IFT56: variants seen among roughly 807,000 people sequenced by gnomAD.
IFT56 encodes the protein intraflagellar transport 56.
chr7:139,143,803 C>G, the IFT56 span, among the ~76,000 whole-genome samples: 3 of 151,850 alleles, frequency 2.0e-5, no homozygotes, highest in African/African-American at 7.3e-5. Flanking sequence ...ATTTTTAAAA[C>G]TATATATTTA....
chr7:139,163,314 C>A, the IFT56 span, among the ~76,000 whole-genome samples: 1 of 150,180 alleles, frequency 6.7e-6, no homozygotes, highest in African/African-American at 2.5e-5. Context: ...TGCACTCCAG[C>A]CTGGGTGACA....
At chr7:139,185,631 A>C in the IFT56 span, among the ~76,000 whole-genome samples, 1 of 152,044 alleles carries the variant, frequency 6.6e-6, no homozygotes, top group Non-Finnish European at 1.5e-5. Context: ...CATAAAAGTC[A>C]GAAGAGTAGT....
the IFT56 span, among the ~76,000 whole-genome samples, chr7:139,181,361 A>C: frequency 1.7e-4 from 26 of 152,388 alleles, no homozygotes; most frequent in African/African-American, 6.0e-4. Flanking sequence ...AACTGAACTC[A>C]GAGATAGGCA....
At chr7:139,138,913 C>A in the IFT56 span, among the ~76,000 whole-genome samples, 2 of 151,514 alleles carry the variant, frequency 1.3e-5, no homozygotes, top group Non-Finnish European at 2.9e-5. Context: ...CGGGTTCAAG[C>A]AATTCCCCTG....
chr7:139,174,174 CT>C, the IFT56 span: 1 of 592,546 alleles, frequency 1.7e-6, no homozygotes, highest in Non-Finnish European at 3.3e-6. Flanking sequence ...CAGTTGCCCA[CT>C]TATCCCAGCT....
the IFT56 span, chr7:139,137,778 A>AT: frequency 5.4e-4 from 703 of 1,292,688 alleles, no homozygotes; most frequent in Middle Eastern, 7.5e-4. Context: ...CCAACGTAGC[A>AT]TTTTTTTTTA....
At chr7:139,139,632 G>A in the IFT56 span, among the ~76,000 whole-genome samples, 1 of 152,076 alleles carries the variant, frequency 6.6e-6, no homozygotes, top group Non-Finnish European at 1.5e-5. Flanking sequence ...TGTTTCTATT[G>A]TTTGTTAGTC....
At chr7:139,178,443 T>C in the IFT56 span, 1 of 1,503,982 alleles carries the variant, frequency 6.6e-7, no homozygotes, top group Non-Finnish European at 9.2e-7. Flanking sequence ...GTTTTGTGTT[T>C]ATCTGGTATA....
the IFT56 span, among the ~76,000 whole-genome samples, chr7:139,157,168 C>T: frequency 2.3e-4 from 12 of 51,762 alleles, no homozygotes; most frequent in African/African-American, 4.9e-4. Context: ...TTTTTTGAGA[C>T]GAAGTTTTGC....
At chr7:139,141,208 C>A in the IFT56 span, among the ~76,000 whole-genome samples, 1 of 150,832 alleles carries the variant, frequency 6.6e-6, no homozygotes, top group Non-Finnish European at 1.5e-5. Flanking sequence ...TTGCAGTGAG[C>A]CGAGATTGCG....
the IFT56 span, among the ~76,000 whole-genome samples, chr7:139,152,067 GA>G: frequency 4.0e-4 from 61 of 151,856 alleles, no homozygotes; most frequent in Middle Eastern, 0.01. Flanking sequence ...ATCTCAAAAA[GA>G]AAAAAAGAAA....
At chr7:139,136,476 G>T in the IFT56 span, among the ~76,000 whole-genome samples, 1 of 151,930 alleles carries the variant, frequency 6.6e-6, no homozygotes, top group Non-Finnish European at 1.5e-5. Flanking sequence ...TTGAGACAGG[G>T]TCTCATTCTG....
At chr7:139,147,481 C>T in the IFT56 span, among the ~76,000 whole-genome samples, 1 of 152,058 alleles carries the variant, frequency 6.6e-6, no homozygotes, top group South Asian at 2.1e-4. Flanking sequence ...TGCATTGTCA[C>T]CCTTCTAAAA....
At chr7:139,139,973 G>A in the IFT56 span, 1 of 1,611,144 alleles carries the variant, frequency 6.2e-7, no homozygotes, top group Non-Finnish European at 8.5e-7. Context: ...TTCTTGGGAT[G>A]TATAAACAAG....
chr7:139,181,901 T>C, the IFT56 span, among the ~76,000 whole-genome samples: 3 of 152,146 alleles, frequency 2.0e-5, no homozygotes, highest in African/African-American at 7.2e-5. Context: ...GGTTATGAAG[T>C]ACATGACTGG....
chr7:139,173,653 G>GAT, the IFT56 span: 1 of 776,806 alleles, frequency 1.3e-6, no homozygotes, highest in African/African-American at 1.7e-5. Flanking sequence ...TTTCTTCTGG[G>GAT]ATATAATGCA....
At chr7:139,187,306 A>G in the IFT56 span, 1 of 1,398,656 alleles carries the variant, frequency 7.1e-7, no homozygotes, top group Non-Finnish European at 9.7e-7. Flanking sequence ...GCACCCATGC[A>G]CTTATTTCAT....
the IFT56 span, among the ~76,000 whole-genome samples, chr7:139,140,495 G>A: frequency 2.6e-5 from 4 of 152,094 alleles, no homozygotes; most frequent in Non-Finnish European, 5.9e-5. Context: ...AAAAGTTAAA[G>A]ATGGCTGGGT....
chr7:139,147,954 CAT>C, the IFT56 span, among the ~76,000 whole-genome samples: 1 of 152,128 alleles, frequency 6.6e-6, no homozygotes, highest in African/African-American at 2.4e-5. Context: ...TCAATTATTG[CAT>C]ATATTAGTTT....
Sources: gnomAD v4.1 joint callset for allele counts (sites outside exome capture counted in the v4.1 genomes callset) on GRCh38, gnomAD v4.1.1 for gene constraint, MANE v1.5 for transcripts, NCBI Gene and HGNC (gene_info 2026-07-23, HGNC 2026-07-21) for gene names.